Variants in RPS6KC1 observed in about 807,000 individuals in gnomAD.
The protein encoded by RPS6KC1 is inactive ribosomal protein S6 kinase delta-1.
In RPS6KC1, 54 loss-of-function variants were observed where a neutral mutation model predicts 103.8. That is an observed-to-expected ratio of 0.52 (90% CI 0.42 to 0.65). The LOEUF (loss-of-function observed/expected upper bound fraction) is 0.65. Among genes scored for constraint, RPS6KC1 ranks in the 30% least tolerant of loss-of-function variants. The pLI is 0.00. For synonymous variants in RPS6KC1, 439 were observed against 438.7 expected, an observed-to-expected ratio of 1.00 and a Z score of -0.01; for missense variants, 1,151 against 1,253.8, an observed-to-expected ratio of 0.92 and a Z score of 1.24.
At chr1:213,108,433 A>G (rs889603808) in intron 4 of RPS6KC1, among the ~76,000 whole-genome samples, 2 of 152,138 alleles carry the variant, frequency 1.3e-5, no homozygotes, top group East Asian at 1.9e-4. Context: ...TGATAGTTCT[A>G]TTAATCTACG....
At chr1:213,370,438 A>T in the RPS6KC1 span, among the ~76,000 whole-genome samples, 1 of 152,062 alleles carries the variant, frequency 6.6e-6, no homozygotes, top group Non-Finnish European at 1.5e-5. Context: ...TTTGTTGGGC[A>T]CTTACAGGCT....
At chr1:213,120,117 T>G (rs2084215413) in intron 5 of RPS6KC1, among the ~76,000 whole-genome samples, 3 of 152,214 alleles carry the variant, frequency 2.0e-5, no homozygotes, top group Non-Finnish European at 4.4e-5. Flanking sequence ...GGCTAACATT[T>G]CTGTCAAAAA....
the RPS6KC1 span, among the ~76,000 whole-genome samples, chr1:213,294,640 T>A: frequency 1.3e-5 from 2 of 152,172 alleles, no homozygotes; most frequent in Non-Finnish European, 2.9e-5. Context: ...AGATAGATCC[T>A]GCCCTACCTA....
At chr1:213,480,737 CT>C in the RPS6KC1 span, among the ~76,000 whole-genome samples, 1 of 152,068 alleles carries the variant, frequency 6.6e-6, no homozygotes, top group African/African-American at 2.4e-5. Flanking sequence ...ATTCTATCTC[CT>C]ACTATTCCAT....
chr1:213,650,928 TA>T, the RPS6KC1 span, among the ~76,000 whole-genome samples: 2,591 of 100,252 alleles, frequency 0.026, 31 homozygotes, highest in Non-Finnish European at 0.037. Flanking sequence ...ACTTGCATGT[TA>T]AAAAAAAAAA....
the RPS6KC1 span, among the ~76,000 whole-genome samples, chr1:213,496,330 T>TA: frequency 7.9e-5 from 12 of 151,916 alleles, no homozygotes; most frequent in South Asian, 2.1e-4. Context: ...GAGACATCTG[T>TA]AAAAAAAATA....
the RPS6KC1 span, among the ~76,000 whole-genome samples, chr1:213,584,666 A>G: frequency 6.6e-6 from 1 of 152,256 alleles, no homozygotes; most frequent in Non-Finnish European, 1.5e-5. Flanking sequence ...TTTTGAGAAG[A>G]AAACTCAGGA....
chr1:213,574,417 G>A, the RPS6KC1 span, among the ~76,000 whole-genome samples: 1 of 152,194 alleles, frequency 6.6e-6, no homozygotes, highest in African/African-American at 2.4e-5. Context: ...TCAAAGAAAT[G>A]AATCTCTAAT....
the RPS6KC1 span, among the ~76,000 whole-genome samples, chr1:213,391,124 T>C: frequency 6.6e-6 from 1 of 152,252 alleles, no homozygotes; most frequent in East Asian, 1.9e-4. Flanking sequence ...TTACCGAGCA[T>C]CACCTGTTTG....
the RPS6KC1 span, among the ~76,000 whole-genome samples, chr1:213,379,800 A>G: frequency 6.6e-6 from 1 of 152,100 alleles, no homozygotes; most frequent in South Asian, 2.1e-4. Flanking sequence ...CAGTTACAAT[A>G]TCTATTGTTA....
chr1:213,209,510 A>G (rs2093441533), intron 8 of RPS6KC1, among the ~76,000 whole-genome samples: 1 of 151,988 alleles, frequency 6.6e-6, no homozygotes, highest in South Asian at 2.1e-4. Flanking sequence ...AGCCTGGCCA[A>G]CATGGTGAAA....
At chr1:213,376,370 C>G in the RPS6KC1 span, among the ~76,000 whole-genome samples, 1 of 151,646 alleles carries the variant, frequency 6.6e-6, no homozygotes, top group Non-Finnish European at 1.5e-5. Flanking sequence ...TAGCAAATTC[C>G]CAGTTGTTAG....
At chr1:213,858,996 A>G in the RPS6KC1 span, among the ~76,000 whole-genome samples, 1 of 152,238 alleles carries the variant, frequency 6.6e-6, no homozygotes, top group South Asian at 2.1e-4. Context: ...CAAATATGCC[A>G]TCTGCATCGT....
the RPS6KC1 span, among the ~76,000 whole-genome samples, chr1:213,567,496 T>C: frequency 3.3e-5 from 5 of 152,222 alleles, no homozygotes; most frequent in African/African-American, 1.2e-4. Flanking sequence ...TTTTCAGTTC[T>C]CCCTTTGTTT....
At chr1:213,463,167 T>A in the RPS6KC1 span, among the ~76,000 whole-genome samples, 2 of 152,228 alleles carry the variant, frequency 1.3e-5, no homozygotes, top group Non-Finnish European at 2.9e-5. Flanking sequence ...TCCATCATAC[T>A]GCCAACCTGA....
At chr1:213,512,997 C>T in the RPS6KC1 span, among the ~76,000 whole-genome samples, 1 of 152,088 alleles carries the variant, frequency 6.6e-6, no homozygotes, top group Non-Finnish European at 1.5e-5. Context: ...TGTCCTAATC[C>T]CTGGAACTTG....
chr1:213,241,796 A>C lies in RPS6KC1; in HGVS notation c.2320A>C (p.Arg774=). 7 of 1,614,016 alleles carry C rather than the reference A, an allele frequency of 4.3e-6. No individual in the cohort carries two copies. The highest frequency in any genetic ancestry group is 5.1e-6 in the Non-Finnish European group (6 of 1,179,954). ...GAAACACTATGCACAGGAGGATCCCAGGATGTTATTTGTAGCAGCTGTTGA... is the reference window on the plus strand; with the variant it reads ...GAAACACTATGCACAGGAGGATCCCCGGATGTTATTTGTAGCAGCTGTTGA... The part of the protein sequence containing the change: ...TEKHYAQEDP[R]MLFVAAVDHS... Residue 774 remains arginine, a synonymous_variant, in exon 11 of 15, where the codon AGG becomes CGG. Coordinates refer to ENST00000366960, the MANE Select transcript of RPS6KC1 (RefSeq NM_012424.6).
At chr1:213,176,338 G>C (rs2091866631) in intron 7 of RPS6KC1, 62 bp from the exon 8 acceptor site, 8 of 1,099,512 alleles carry the variant, frequency 7.3e-6, no homozygotes, top group Admixed American at 5.4e-5. Context: ...ATTTGCTTCA[G>C]CAGGCAGCCT....
At chr1:213,328,503 ACTATATATATATATATATAT>A in the RPS6KC1 span, among the ~76,000 whole-genome samples, 1 of 31,772 alleles carries the variant, frequency 3.1e-5, no homozygotes, top group African/African-American at 6.5e-5. Flanking sequence ...CAGCCATTAT[ACTATATATATATATATATAT>A]ATATATATAT....
Sources: allele counts gnomAD v4.1 joint callset (sites outside exome capture counted in the v4.1 genomes callset), GRCh38; gene constraint gnomAD v4.1.1; transcripts MANE v1.5; gene names NCBI Gene and HGNC (gene_info 2026-07-23, HGNC 2026-07-21).